The following ERAP1 variants were observed in gnomAD, a reference collection of about 807,000 sequenced individuals.
ERAP1 encodes the protein adipocyte-derived leucine aminopeptidase.
Under a neutral mutation model 103.7 loss-of-function variants are expected in ERAP1, and 86 were observed. The observed-to-expected ratio is 0.83, with a 90% CI of 0.70 to 0.99. ERAP1 has a LOEUF of 0.99. Among genes scored for constraint, ERAP1 ranks in the 50% least tolerant of loss-of-function variants. The probability of loss-of-function intolerance (pLI) is 0.00; values close to 1 mark genes in which losing one functional copy is unlikely to be tolerated. For missense variants in ERAP1, 1,009 were observed against 1,128.4 expected, an observed-to-expected ratio of 0.89 and a Z score of 1.52; for synonymous variants, 398 against 402.4, an observed-to-expected ratio of 0.99 and a Z score of 0.13.
chr5:96,788,759 T>G, intron 10 of ERAP1, 74 bp from the exon 11 acceptor site: 1 of 1,564,272 alleles, frequency 6.4e-7, no homozygotes, highest in South Asian at 1.1e-5. Flanking sequence ...CACCAGCTTA[T>G]GCTCAAACAG....
intron 18 of ERAP1, among the ~76,000 whole-genome samples, chr5:96,778,218 T>C (rs1297437352): frequency 6.6e-6 from 1 of 152,156 alleles, no homozygotes. Context: ...GCAAGCATCC[T>C]CCCCTCATGG....
the ERAP1 span, chr5:96,892,557 G>C: frequency 1.5e-6 from 2 of 1,362,968 alleles, no homozygotes; most frequent in East Asian, 2.4e-5. Context: ...TTTACCTCTA[G>C]AGGGGAACTT....
chr5:96,823,029 T>C, the ERAP1 span: 12 of 456,060 alleles, frequency 2.6e-5, no homozygotes, highest in African/African-American at 2.4e-4. Flanking sequence ...AGCACTTCAG[T>C]TTCTTGCTGG....
At chr5:96,859,309 G>A in the ERAP1 span, among the ~76,000 whole-genome samples, 1 of 152,136 alleles carries the variant, frequency 6.6e-6, no homozygotes, top group South Asian at 2.1e-4. Context: ...GGAAAACAGA[G>A]TCCAAACACA....
chr5:96,834,095 C>T, the ERAP1 span, among the ~76,000 whole-genome samples: 1 of 152,204 alleles, frequency 6.6e-6, no homozygotes, highest in African/African-American at 2.4e-5. Context: ...AAGCGGTAGC[C>T]TTAATTTGTT....
the ERAP1 span, chr5:96,896,978 C>T: frequency 2.6e-6 from 1 of 378,256 alleles, no homozygotes; most frequent in Admixed American, 1.2e-4. Flanking sequence ...ATTCTGCTTG[C>T]TATGTTGTCA....
chr5:96,898,872 G>A, the ERAP1 span, among the ~76,000 whole-genome samples: 1 of 152,232 alleles, frequency 6.6e-6, no homozygotes, highest in East Asian at 1.9e-4. Flanking sequence ...ACCAAGTATT[G>A]TGTTGCTTCT....
chr5:96,819,025 A>C, the ERAP1 span, among the ~76,000 whole-genome samples: 1 of 152,070 alleles, frequency 6.6e-6, no homozygotes, highest in Non-Finnish European at 1.5e-5. Context: ...TTCCAGGTTC[A>C]AGCGATTCTC....
chr5:96,883,460 G>T, the ERAP1 span, among the ~76,000 whole-genome samples: 1 of 152,152 alleles, frequency 6.6e-6, no homozygotes, highest in Non-Finnish European at 1.5e-5. Flanking sequence ...AAGACATGTA[G>T]ACAACATGTG....
the ERAP1 span, among the ~76,000 whole-genome samples, chr5:96,840,931 C>T: frequency 6.6e-6 from 1 of 152,116 alleles, no homozygotes; most frequent in Non-Finnish European, 1.5e-5. Context: ...GTCTCGATCT[C>T]CTGACCTCGT....
At chr5:96,863,965 T>C in the ERAP1 span, among the ~76,000 whole-genome samples, 1 of 152,210 alleles carries the variant, frequency 6.6e-6, no homozygotes, top group African/African-American at 2.4e-5. Flanking sequence ...CTTCAAAGGC[T>C]TCCTTGACTC....
chr5:96,836,404 G>A, the ERAP1 span, among the ~76,000 whole-genome samples: 1 of 152,060 alleles, frequency 6.6e-6, no homozygotes, highest in Non-Finnish European at 1.5e-5. Flanking sequence ...GTTTCACCAT[G>A]TTGGCCAGGC....
At chr5:96,903,426 C>G in the ERAP1 span, 2 of 1,613,822 alleles carry the variant, frequency 1.2e-6, no homozygotes, top group Non-Finnish European at 1.7e-6. Flanking sequence ...TTAATGTGGA[C>G]TCAAATGGTT....
At chr5:96,781,967 C>A in intron 15 of ERAP1, 113 bp from the exon 16 acceptor site, 1 of 1,039,662 alleles carries the variant, frequency 9.6e-7, no homozygotes, top group Non-Finnish European at 1.4e-6. Flanking sequence ...AGAAGCATGC[C>A]TGGAAATATA....
At chr5:96,863,489 T>A in the ERAP1 span, among the ~76,000 whole-genome samples, 1 of 152,204 alleles carries the variant, frequency 6.6e-6, no homozygotes, top group Non-Finnish European at 1.5e-5. Context: ...CACTTTTTCA[T>A]GAAATTCTCT....
At chr5:96,879,604 G>A in the ERAP1 span, 1 of 1,089,818 alleles carries the variant, frequency 9.2e-7, no homozygotes, top group Non-Finnish European at 1.4e-6. Flanking sequence ...GACCCCATGT[G>A]ACATAACTGG....
chr5:96,891,535 TACAC>T, the ERAP1 span, among the ~76,000 whole-genome samples: 21,691 of 138,686 alleles, frequency 0.16, 2,019 homozygotes, highest in South Asian at 0.2. Context: ...ACGGTATATA[TACAC>T]ACACACACAC....
the ERAP1 span, among the ~76,000 whole-genome samples, chr5:96,894,686 C>CTAGTGG: frequency 6.6e-6 from 1 of 151,920 alleles, no homozygotes; most frequent in Non-Finnish European, 1.5e-5. Flanking sequence ...TTTATTGTTT[C>CTAGTGG]TAGTGGCCCA....
At chr5:96,837,915 C>T in the ERAP1 span, among the ~76,000 whole-genome samples, 4 of 152,124 alleles carry the variant, frequency 2.6e-5, no homozygotes, top group African/African-American at 9.7e-5. Flanking sequence ...TCTGAAACTA[C>T]GCCATCAAGC....
Sources: gnomAD v4.1 joint callset for allele counts (sites outside exome capture counted in the v4.1 genomes callset) on GRCh38, gnomAD v4.1.1 for gene constraint, MANE v1.5 for transcripts, NCBI Gene and HGNC (gene_info 2026-07-23, HGNC 2026-07-21) for gene names.